Variants in SESN1 observed in about 807,000 individuals in gnomAD.
SESN1 encodes the protein sestrin-1.
SESN1 carries 30 observed loss-of-function variants against 59.3 expected under a neutral mutation model. That is an observed-to-expected ratio of 0.51 (90% confidence interval 0.38 to 0.69). The LOEUF (loss-of-function observed/expected upper bound fraction) is 0.69. Among genes scored for constraint, SESN1 ranks in the 30% least tolerant of loss-of-function variants. The probability of loss-of-function intolerance (pLI) is 0.00; values close to 1 mark genes in which losing one functional copy is unlikely to be tolerated. For synonymous variants in SESN1, 197 were observed against 219.9 expected (o/e 0.90, Z 0.92); for missense variants, 566 against 673.0 (o/e 0.84, Z 1.76).
intron 1 of SESN1, among the ~76,000 whole-genome samples, chr6:109,090,328 T>C (rs896005117): frequency 3.9e-5 from 6 of 152,132 alleles, no homozygotes; most frequent in Admixed American, 3.3e-4. Context: ...AGTGGCCTCA[T>C]AAGATTACAC....
intron 1 of SESN1, among the ~76,000 whole-genome samples, chr6:109,051,506 C>T (rs1241969571): frequency 3.9e-5 from 6 of 152,088 alleles, no homozygotes; most frequent in African/African-American, 9.7e-5. Context: ...CCTCTTATTA[C>T]CTTTTTGCTT....
rs915174043 is a variant in SESN1 at position 109,009,504 on chromosome 6, T to C, written c.280-7161A>G. On this transcript the variant is annotated intron_variant, in intron 1 of 9. Coordinates refer to ENST00000436639, the MANE Select transcript of SESN1 (RefSeq NM_014454.3). The stretch of plus-strand genomic sequence containing the variant: ...GCGGACGCGCGGAGGCGGCGAGCGC[T>C]GGGCAGCCGGCCGCGGCTCCTGGCT... 36 of 1,208,808 alleles carry C rather than the reference T, an allele frequency of 3.0e-5. 1 individual carries two copies. The African/African-American group carries it at 5.2e-4, about 18-fold the overall frequency. 74.9% of individuals were successfully genotyped at this position (1,208,808 alleles called of 1,614,324 possible). A position where few individuals can be genotyped will look rare whatever the true frequency, so the allele number is the denominator to read the frequency against.
At chr6:109,049,009 G>A (rs1041930905) in intron 1 of SESN1, among the ~76,000 whole-genome samples, 6 of 152,142 alleles carry the variant, frequency 3.9e-5, no homozygotes, top group Admixed American at 6.5e-5. Flanking sequence ...TGCTTAGCAC[G>A]CTTCTTTGTA....
intron 1 of SESN1, among the ~76,000 whole-genome samples, chr6:109,015,738 AAAG>A (rs1159364992): frequency 1.3e-5 from 2 of 152,360 alleles, no homozygotes; most frequent in South Asian, 2.1e-4. Context: ...TGAAGGTTTT[AAAG>A]AAGGAGAAGG....
chr6:109,055,826 T>C (rs1010157267), intron 1 of SESN1, among the ~76,000 whole-genome samples: 5 of 152,174 alleles, frequency 3.3e-5, no homozygotes, highest in African/African-American at 1.2e-4. Flanking sequence ...GTAAGATCTG[T>C]ACTCATTGTC....
At chr6:109,055,389 GC>G (rs1780612395) in intron 1 of SESN1, among the ~76,000 whole-genome samples, 2 of 152,112 alleles carry the variant, frequency 1.3e-5, no homozygotes, top group African/African-American at 4.8e-5. Flanking sequence ...GTGGCTGGGT[GC>G]AGTGGCTCAT....
intron 1 of SESN1, among the ~76,000 whole-genome samples, chr6:109,039,443 C>T (rs1045928998): frequency 2.0e-5 from 3 of 152,160 alleles, no homozygotes; most frequent in Admixed American, 6.6e-5. Context: ...TTGTATTTCA[C>T]GATTTTCAGT....
At chr6:109,031,045 T>C (rs1209112108) in intron 1 of SESN1, among the ~76,000 whole-genome samples, 1 of 152,172 alleles carries the variant, frequency 6.6e-6, no homozygotes, top group Non-Finnish European at 1.5e-5. Flanking sequence ...TGTAATTTTG[T>C]ATTAAATTAT....
At chr6:109,092,672 A>G (rs1781338283) in intron 1 of SESN1, among the ~76,000 whole-genome samples, 1 of 152,220 alleles carries the variant, frequency 6.6e-6, no homozygotes, top group Admixed American at 6.5e-5. Context: ...TTATGGACAA[A>G]AATGGTTGTT....
In SESN1 at chr6:109,009,242, T is replaced by C. The variant is rs956811101; in HGVS notation, c.280-6899A>G. On this transcript the variant is annotated intron_variant, in intron 1 of 9. Coordinates refer to ENST00000436639, the MANE Select transcript of SESN1 (RefSeq NM_014454.3). ...GCCCTATCTGGGGAGCGTTTTCGGA[T>C]GCTGACCGGGAGCGACTGTGAGGAG... is the stretch of plus-strand genomic sequence containing the variant. 1.9e-5 allele frequency: 19 copies of C among 1,005,094 alleles called. No individual in the cohort carries two copies. The African/African-American group carries it at 2.0e-4, about 11-fold the overall frequency. The allele number at this position is 1,005,094 out of a possible 1,614,324, so 62.3% of individuals were successfully genotyped here.
intron 8 of SESN1, 71 bp from the exon 9 acceptor site, chr6:108,988,758 A>C: frequency 8.1e-7 from 1 of 1,239,318 alleles, no homozygotes; most frequent in Non-Finnish European, 1.1e-6. Flanking sequence ...AAAAGTATAC[A>C]CATCAATAGT....
intron 1 of SESN1, among the ~76,000 whole-genome samples, chr6:109,067,944 G>A (rs1246768026): frequency 6.6e-6 from 1 of 152,208 alleles, no homozygotes; most frequent in African/African-American, 2.4e-5. Flanking sequence ...TAACAAATTG[G>A]AGGACAGGGA....
chr6:108,996,414 A>C (rs1285486290), intron 5 of SESN1, among the ~76,000 whole-genome samples: 2 of 152,136 alleles, frequency 1.3e-5, no homozygotes, highest in African/African-American at 2.4e-5. Context: ...AATAGCTGAA[A>C]AGGATTAGGT....
chr6:109,020,303 AGATTT>A (rs1283680373), intron 1 of SESN1, among the ~76,000 whole-genome samples: 1 of 152,272 alleles, frequency 6.6e-6, no homozygotes, highest in African/African-American at 2.4e-5. Context: ...AAAATAGATT[AGATTT>A]TAGTATTGTA....
At position 108,985,235 on chromosome 6, in the gene SESN1, A is replaced by G. The variant is rs186279143; in HGVS notation, c.*2309T>C. Among the ~76,000 whole-genome samples, 1 of 152,314 alleles carries G rather than the reference A, an allele frequency of 6.6e-6. No individual in the cohort carries two copies. Among genetic ancestry groups the G allele is most frequent in the Admixed American group, 6.5e-5 (1 of 15,296 alleles). On this transcript the variant is annotated 3_prime_UTR_variant, in exon 10 of 10. Coordinates refer to ENST00000436639, the MANE Select transcript of SESN1 (RefSeq NM_014454.3). ...CTGTATCAAAATCAATCTCATTCTTAGAGATGATAAAGTTTGGCCTAATAA... is the reference window on the plus strand; with the variant it reads ...CTGTATCAAAATCAATCTCATTCTTGGAGATGATAAAGTTTGGCCTAATAA...
chr6:108,997,451 A>G (rs1779522448), intron 5 of SESN1, among the ~76,000 whole-genome samples: 1 of 152,176 alleles, frequency 6.6e-6, no homozygotes, highest in Admixed American at 6.5e-5. Flanking sequence ...GGTGAAACTG[A>G]TGGTCTTTGG....
intron 1 of SESN1, among the ~76,000 whole-genome samples, chr6:109,085,019 C>T (rs370373455): frequency 1.9e-4 from 28 of 151,070 alleles, no homozygotes; most frequent in African/African-American, 6.6e-4. Flanking sequence ...CAGCGAAAAA[C>T]GCACTTTTAA....
chr6:109,016,186 G>A (rs1312931750), intron 1 of SESN1, among the ~76,000 whole-genome samples: 1 of 152,140 alleles, frequency 6.6e-6, no homozygotes, highest in Non-Finnish European at 1.5e-5. Context: ...TAAATGCTTT[G>A]TTTATACTAA....
intron 1 of SESN1, among the ~76,000 whole-genome samples, chr6:109,084,821 T>C (rs1781185350): frequency 6.6e-6 from 1 of 152,178 alleles, no homozygotes; most frequent in Non-Finnish European, 1.5e-5. Context: ...AGATAATTAT[T>C]ATGTTGCCAA....
Sources: gnomAD v4.1 joint callset for allele counts (sites outside exome capture counted in the v4.1 genomes callset) on GRCh38, gnomAD v4.1.1 for gene constraint, MANE v1.5 for transcripts, NCBI Gene and HGNC (gene_info 2026-07-23, HGNC 2026-07-21) for gene names.